Variants in BCLAF1 observed in about 807,000 individuals in gnomAD.
The protein encoded by BCLAF1 is BCL2 associated transcription factor 1, also known as bcl-2-associated transcription factor 1.
Under a neutral mutation model 99.5 loss-of-function variants are expected in BCLAF1, and 10 were observed. That is an observed-to-expected ratio of 0.10 (90% CI 0.06 to 0.17). BCLAF1 has a LOEUF of 0.17. Ranked by LOEUF, BCLAF1 falls within the 10% of genes least tolerant of loss-of-function variation. The probability of loss-of-function intolerance (pLI) is 1.00; values close to 1 mark genes in which losing one functional copy is unlikely to be tolerated. For synonymous variants in BCLAF1, 255 were observed against 370.9 expected (o/e 0.69, Z 3.59); for missense variants, 636 against 1,105.8 (o/e 0.58, Z 6.02).
intron 1 of BCLAF1, among the ~76,000 whole-genome samples, chr6:136,289,111 T>C (rs930817962): frequency 1.5e-4 from 23 of 152,062 alleles, no homozygotes; most frequent in African/African-American, 1.4e-4. Flanking sequence ...TAAAACCTAG[T>C]AGCATCACAA....
At chr6:136,267,476 A>G (rs964551868) in intron 10 of BCLAF1, among the ~76,000 whole-genome samples, 6 of 151,928 alleles carry the variant, frequency 3.9e-5, no homozygotes. Context: ...AAGTTGTCTA[A>G]TTTCTTTGAA....
rs1785476024 is a variant in BCLAF1, at chr6:136,288,538, T to C, written c.-115+1175A>G. 2.0e-5 allele frequency among the ~76,000 whole-genome samples: 3 copies of C among 152,236 alleles called. 1 individual carries two copies. The South Asian group carries it at 6.2e-4, about 32-fold the overall frequency. ...GAGGAACAAGAAATTTTGTTTTGCT[T>C]TGTAACACCAAAAAATTTAAAAGAG... On this transcript the variant is annotated intron_variant, in intron 1 of 12. Transcript: ENST00000531224.
Position 136,279,768 on chromosome 6 carries a change from T to C in BCLAF1, c.99A>G (p.Arg33=). 1.9e-6 allele frequency: 3 copies of C among 1,567,698 alleles called. No individual in the cohort carries two copies. Among genetic ancestry groups the C allele is most frequent in the Non-Finnish European group, 2.6e-6 (3 of 1,159,128 alleles). Residue 33 remains arginine (R), a synonymous_variant, in exon 3 of 13, where the codon CGA becomes CGG. Coordinates refer to ENST00000531224, the MANE Select transcript of BCLAF1 (RefSeq NM_014739.3). The stretch of plus-strand genomic sequence containing the variant: ...TTTAAAGCACATTAAATCACCTGTA[T>C]CGCTTCTTTCTAGAATGAGATCTTG... ...SRSRSHSRKK[R]YSSRSRSRTY... is the part of the protein sequence containing the mutation.
chr6:136,274,310 AAAAAG>A (rs1447581406), intron 6 of BCLAF1: 4 of 308,440 alleles, frequency 1.3e-5, no homozygotes, highest in Non-Finnish European at 2.1e-5. Context: ...TTAAAAAAAA[AAAAAG>A]AAAAAAGAAA....
At chr6:136,284,252 CAG>C (rs1784815997) in intron 1 of BCLAF1, among the ~76,000 whole-genome samples, 1 of 150,642 alleles carries the variant, frequency 6.6e-6, no homozygotes, top group Non-Finnish European at 1.5e-5. Flanking sequence ...ACTGACAGAA[CAG>C]GGAATACAGG....
intron 1 of BCLAF1, among the ~76,000 whole-genome samples, 155 bp from the exon 2 acceptor site, chr6:136,282,842 G>A (rs530129863): frequency 2.0e-5 from 3 of 152,246 alleles, no homozygotes; most frequent in East Asian, 1.9e-4. Flanking sequence ...ACTTTTAACC[G>A]TAAAAGCTTA....
chr6:136,280,608 A>G (rs1784256057), intron 2 of BCLAF1, among the ~76,000 whole-genome samples: 1 of 148,054 alleles, frequency 6.8e-6, no homozygotes, highest in Non-Finnish European at 1.5e-5. Flanking sequence ...AACTACAAGA[A>G]AAAAAAAACT....
At chr6:136,274,433 T>C (rs1230942571) in intron 6 of BCLAF1, among the ~76,000 whole-genome samples, 1 of 152,016 alleles carries the variant, frequency 6.6e-6, no homozygotes, top group African/African-American at 2.4e-5. Flanking sequence ...ATGTTTCATA[T>C]TTTATGTACC....
In BCLAF1 at chr6:136,258,983, A is replaced by G. The variant is rs1014992827; in HGVS notation, c.*2127T>C. On this transcript the variant is annotated 3_prime_UTR_variant, in exon 13 of 13. Coordinates refer to ENST00000531224, the MANE Select transcript of BCLAF1 (RefSeq NM_014739.3). ...AGTGAGTTATTTCCTAGCACTTGTA[A>G]GCAAATATCCTTACCAAGAGGAACC... 1 of 152,476 alleles carries G rather than the reference A, an allele frequency of 6.6e-6. No individual in the cohort carries two copies. Among genetic ancestry groups the G allele is most frequent in the African/African-American group, 2.4e-5 (1 of 41,446 alleles). 9.4% of individuals were successfully genotyped at this position (152,476 alleles called of 1,614,324 possible).
chr6:136,274,545 TCTAA>T (rs1782988697), intron 6 of BCLAF1, among the ~76,000 whole-genome samples: 1 of 152,060 alleles, frequency 6.6e-6, no homozygotes, highest in Non-Finnish European at 1.5e-5. Context: ...AAGAAATTCA[TCTAA>T]CTATTCACTG....
chr6:136,273,385 G>A (rs1480874714), intron 6 of BCLAF1, 198 bp from the exon 7 acceptor site: 2 of 521,914 alleles, frequency 3.8e-6, no homozygotes, highest in East Asian at 3.2e-5. Context: ...GTTGCTCACA[G>A]GTCCCTGTCA....
At chr6:136,280,741 A>G (rs1784278496) in intron 2 of BCLAF1, among the ~76,000 whole-genome samples, 2 of 152,234 alleles carry the variant, frequency 1.3e-5, no homozygotes, top group South Asian at 4.1e-4. Context: ...ACTAATTGAA[A>G]AAACATACAC....
intron 11 of BCLAF1, among the ~76,000 whole-genome samples, chr6:136,266,755 A>G (rs1781769767): frequency 6.6e-6 from 1 of 152,090 alleles, no homozygotes; most frequent in Admixed American, 6.6e-5. Context: ...AAGCTCAACT[A>G]TAATATAATG....
rs531081938 is a variant in BCLAF1, at chr6:136,258,884, C to T, written c.*2226G>A. The T allele has an allele frequency of 6.6e-6, 1 of 152,510 alleles. No homozygotes were observed. The highest frequency in any genetic ancestry group is 2.4e-5 in the African/African-American group (1 of 41,530). 9.4% of individuals were successfully genotyped at this position (152,510 alleles called of 1,614,324 possible). On this transcript the variant is annotated 3_prime_UTR_variant, in exon 13 of 13. Coordinates refer to ENST00000531224, the MANE Select transcript of BCLAF1 (RefSeq NM_014739.3). ...GCCTTCTTAAACAGCTTTCTTAATC[C>T]TTTCTGGAAATATCCTTTGGTTCAT...
intron 1 of BCLAF1, among the ~76,000 whole-genome samples, chr6:136,285,960 T>C (rs1314732788): frequency 6.6e-6 from 1 of 151,934 alleles, no homozygotes; most frequent in Admixed American, 6.6e-5. Context: ...CAGCCAGGCG[T>C]GGTGGTGCAC....
In BCLAF1 at chr6:136,257,961, T is replaced by C. The variant is rs1001625085; in HGVS notation, c.*3149A>G. Reference sequence around the variant, plus strand: ...TGTATATAACATTACAATTATCCAGTATAATTAAGCTACCAATGATCTTAC... The same window carrying C: ...TGTATATAACATTACAATTATCCAGCATAATTAAGCTACCAATGATCTTAC... On this transcript the variant is annotated 3_prime_UTR_variant, in exon 13 of 13. Transcript: ENST00000531224. 2 of 152,166 alleles carry C rather than the reference T, an allele frequency of 1.3e-5. No homozygotes were observed. Among genetic ancestry groups the C allele is most frequent in the African/African-American group, 2.4e-5 (1 of 41,474 alleles). The allele number at this position is 152,166 out of a possible 1,614,324, so 9.4% of individuals were successfully genotyped here.
chr6:136,263,439 G>A (rs1433541173), intron 11 of BCLAF1, among the ~76,000 whole-genome samples: 2 of 152,058 alleles, frequency 1.3e-5, no homozygotes, highest in Non-Finnish European at 2.9e-5. Flanking sequence ...GGGCATCCTG[G>A]CAGCTACTTA....
At chr6:136,277,013 G>C (rs1463894666) in intron 4 of BCLAF1, among the ~76,000 whole-genome samples, 1 of 152,086 alleles carries the variant, frequency 6.6e-6, no homozygotes, top group Non-Finnish European at 1.5e-5. Flanking sequence ...GAAAAATAAT[G>C]ATTTCTGGCA....
intron 1 of BCLAF1, among the ~76,000 whole-genome samples, chr6:136,283,896 A>T (rs1477638798): frequency 6.6e-6 from 1 of 152,006 alleles, no homozygotes; most frequent in Non-Finnish European, 1.5e-5. Flanking sequence ...AAAACAAAGG[A>T]TTTCTAAAGG....
Sources: allele counts gnomAD v4.1 joint callset (sites outside exome capture counted in the v4.1 genomes callset), GRCh38; gene constraint gnomAD v4.1.1; transcripts MANE v1.5; gene names NCBI Gene and HGNC (gene_info 2026-07-23, HGNC 2026-07-21).